The following CERT1 variants were observed in gnomAD, a reference collection of about 807,000 sequenced individuals.
CERT1 encodes ceramide transporter 1, also known as ceramide transfer protein.
Under a neutral mutation model 87.9 loss-of-function variants are expected in CERT1, and 31 were observed. The ratio of observed to expected loss-of-function variants is 0.35; its 90% CI spans 0.27 to 0.48. The LOEUF (loss-of-function observed/expected upper bound fraction) is 0.48. CERT1 is among the 20% of genes least tolerant of loss of function. CERT1 has a pLI of 0.99. For missense variants in CERT1, 487 were observed against 758.0 expected, an observed-to-expected ratio of 0.64 and a Z score of 4.20; for synonymous variants, 289 against 250.9, an observed-to-expected ratio of 1.15 and a Z score of -1.44.
intron 5 of CERT1, among the ~76,000 whole-genome samples, chr5:75,424,781 A>G (rs926187474): frequency 1.4e-4 from 21 of 152,134 alleles, no homozygotes; most frequent in African/African-American, 4.1e-4. Context: ...TAATACCAAG[A>G]TAATAGATAT....
chr5:75,466,519 C>T (rs746230553), intron 2 of CERT1, among the ~76,000 whole-genome samples: 4 of 152,180 alleles, frequency 2.6e-5, no homozygotes, highest in African/African-American at 4.8e-5. Context: ...GCACAAAGCA[C>T]TTCCTTTAAG....
At chr5:75,484,288 C>A (rs368434850) in intron 2 of CERT1, among the ~76,000 whole-genome samples, 1 of 148,452 alleles carries the variant, frequency 6.7e-6, no homozygotes, top group South Asian at 2.1e-4. Flanking sequence ...AGAGAATCAC[C>A]GGCACACGAA....
intron 3 of CERT1, among the ~76,000 whole-genome samples, chr5:75,436,639 TTCA>T (rs1323093146): frequency 6.6e-6 from 1 of 152,240 alleles, no homozygotes; most frequent in Non-Finnish European, 1.5e-5. Flanking sequence ...CTATGTGTGA[TTCA>T]TTTCTAAGCA....
intron 12 of CERT1, among the ~76,000 whole-genome samples, chr5:75,388,630 A>C (rs1761908536): frequency 9.2e-6 from 1 of 108,862 alleles, no homozygotes; most frequent in African/African-American, 4.5e-5. Flanking sequence ...ATATATATAT[A>C]TATATATATA....
chr5:75,412,122 A>C (rs1296557330), intron 7 of CERT1, among the ~76,000 whole-genome samples: 1 of 152,206 alleles, frequency 6.6e-6, no homozygotes, highest in East Asian at 1.9e-4. Flanking sequence ...TATGTTTGTA[A>C]ATAATCTAAT....
At chr5:75,386,177 A>C (rs1580698136) in intron 12 of CERT1, 143 bp from the exon 13 acceptor site, 1 of 607,886 alleles carries the variant, frequency 1.6e-6, no homozygotes, top group Non-Finnish European at 2.4e-6. Flanking sequence ...GAAAATTAAA[A>C]ATTTCAAATT....
chr5:75,459,912 A>C (rs1346416499), intron 2 of CERT1, among the ~76,000 whole-genome samples: 1 of 141,394 alleles, frequency 7.1e-6, no homozygotes, highest in Non-Finnish European at 1.5e-5. Flanking sequence ...CAGTGAGCCG[A>C]GATTGCGCCA....
At chr5:75,418,780 T>A (rs1047607281) in intron 6 of CERT1, among the ~76,000 whole-genome samples, 1 of 152,156 alleles carries the variant, frequency 6.6e-6, no homozygotes, top group Non-Finnish European at 1.5e-5. Context: ...AAATGCAAAC[T>A]AATCTATAGT....
Position 75,400,311 on chromosome 5 carries a change from T to A in CERT1, c.1018-14A>T. ...TTCACTCTGTGACTAAAAAAACATA[T>A]AATATTAAGATGGGAAGGTTTTAAA... On this transcript the variant is annotated splice_polypyrimidine_tract_variant and intron_variant, in intron 9 of 16. Transcript: ENST00000643780. The A allele has an allele frequency of 6.3e-7, 1 of 1,577,200 alleles. No individual in the cohort carries two copies. The highest frequency in any genetic ancestry group is 8.7e-7 in the Non-Finnish European group (1 of 1,148,110).
chr5:75,393,029 T>C (rs1025661915), intron 11 of CERT1, among the ~76,000 whole-genome samples: 4 of 118,922 alleles, frequency 3.4e-5, no homozygotes, highest in Non-Finnish European at 3.7e-5. Context: ...CTAAGTTTCA[T>C]TAAAAAAAAA....
chr5:75,380,089 T>A (rs1561219554), intron 16 of CERT1, among the ~76,000 whole-genome samples: 2 of 152,200 alleles, frequency 1.3e-5, no homozygotes, highest in African/African-American at 2.4e-5. Flanking sequence ...AGTAACTTAC[T>A]CAGGTACAAC....
intron 1 of CERT1, among the ~76,000 whole-genome samples, chr5:75,509,509 T>C (rs1767812655): frequency 6.6e-6 from 1 of 152,162 alleles, no homozygotes; most frequent in Non-Finnish European, 1.5e-5. Context: ...TCACCTTCCA[T>C]AGAGGTGATC....
chr5:75,432,074 T>G (rs965043996), intron 3 of CERT1, among the ~76,000 whole-genome samples: 23 of 148,946 alleles, frequency 1.5e-4, no homozygotes, highest in Admixed American at 3.3e-4. Context: ...TTTTTTGAGA[T>G]GAAGACTTGC....
chr5:75,423,775 T>C (rs1051324146), intron 5 of CERT1, among the ~76,000 whole-genome samples: 17 of 152,154 alleles, frequency 1.1e-4, no homozygotes, highest in Admixed American at 1.0e-3. Flanking sequence ...GTAAGTTAAA[T>C]ATGCAAACTA....
intron 7 of CERT1, among the ~76,000 whole-genome samples, chr5:75,416,498 T>A (rs1393124875): frequency 2.0e-5 from 3 of 152,194 alleles, no homozygotes; most frequent in African/African-American, 4.8e-5. Flanking sequence ...ATTACTATAA[T>A]AAGTAAATGT....
At chr5:75,457,959 A>ATGTG (rs10549096) in intron 3 of CERT1, among the ~76,000 whole-genome samples, 2 of 146,706 alleles carry the variant, frequency 1.4e-5, no homozygotes, top group Non-Finnish European at 3.0e-5. Flanking sequence ...CCTGTTAAAA[A>ATGTG]TGTGTGTGTG....
intron 3 of CERT1, among the ~76,000 whole-genome samples, chr5:75,432,110 G>T (rs977699376): frequency 2.0e-5 from 3 of 149,850 alleles, no homozygotes; most frequent in Admixed American, 1.3e-4. Context: ...GCAATGCAGT[G>T]GCGCGATCTC....
intron 11 of CERT1, among the ~76,000 whole-genome samples, chr5:75,398,865 T>C (rs1762359906): frequency 6.6e-6 from 1 of 152,192 alleles, no homozygotes; most frequent in African/African-American, 2.4e-5. Context: ...ATAATGGAAA[T>C]GAAACATATT....
chr5:75,428,284 C>G (rs980392917), intron 3 of CERT1, among the ~76,000 whole-genome samples: 2 of 151,058 alleles, frequency 1.3e-5, no homozygotes, highest in Non-Finnish European at 2.9e-5. Context: ...GATCTCGGAG[C>G]TCCTGGAATG....
Sources: gnomAD v4.1 joint callset for allele counts (sites outside exome capture counted in the v4.1 genomes callset) on GRCh38, gnomAD v4.1.1 for gene constraint, MANE v1.5 for transcripts, NCBI Gene and HGNC (gene_info 2026-07-23, HGNC 2026-07-21) for gene names.